ADAM9: variants seen among roughly 807,000 people sequenced by gnomAD.
ADAM9 encodes the protein ADAM metallopeptidase domain 9.
Under a neutral mutation model 108.1 loss-of-function variants are expected in ADAM9, and 54 were observed. The observed-to-expected ratio is 0.50, with a 90% confidence interval of 0.40 to 0.63. The LOEUF (loss-of-function observed/expected upper bound fraction) is 0.63. Ranked by LOEUF, ADAM9 falls within the 20% of genes least tolerant of loss-of-function variation. The probability of loss-of-function intolerance (pLI) is 0.00; values close to 1 mark genes in which losing one functional copy is unlikely to be tolerated. For synonymous variants in ADAM9, 316 were observed against 336.0 expected, an observed-to-expected ratio of 0.94 and a Z score of 0.65; for missense variants, 830 against 997.7, an observed-to-expected ratio of 0.83 and a Z score of 2.26.
intron 14 of ADAM9, among the ~76,000 whole-genome samples, chr8:39,060,100 T>C (rs1838251627): frequency 6.6e-6 from 1 of 152,172 alleles, no homozygotes; most frequent in African/African-American, 2.4e-5. Flanking sequence ...AATGGTAACT[T>C]GGTGGGTGGC....
At position 39,054,714 on chromosome 8, in the gene ADAM9, G is replaced by A. The variant is rs79703009; in HGVS notation, c.1395+141G>A. The A allele has an allele frequency of 0.013, 8,968 of 669,992 alleles. 628 individuals are homozygous for A. In the African/African-American group the frequency reaches 0.15, roughly 11 times the overall value. The allele number at this position is 669,992 out of a possible 1,614,324, so 41.5% of individuals were successfully genotyped here. On this transcript the variant is annotated intron_variant, in intron 13 of 21. Coordinates refer to ENST00000487273, the MANE Select transcript of ADAM9 (RefSeq NM_003816.3). ...TCATGGGAAAAATTTTATGCCACTT[G>A]TGTATAATTTTAAAGCACACTCTTT...
intron 14 of ADAM9, among the ~76,000 whole-genome samples, chr8:39,066,668 T>G (rs528304063): frequency 1.3e-5 from 2 of 152,194 alleles, no homozygotes; most frequent in African/African-American, 2.4e-5. Context: ...GTTAGATGAG[T>G]AGATTGCAAA....
chr8:39,080,185 C>A (rs144665630), intron 16 of ADAM9, among the ~76,000 whole-genome samples: 1 of 151,294 alleles, frequency 6.6e-6, no homozygotes. Flanking sequence ...TACTTAATAA[C>A]AAAAAAATGA....
chr8:39,004,142 GA>G (rs1293552255), intron 1 of ADAM9, among the ~76,000 whole-genome samples: 2 of 151,882 alleles, frequency 1.3e-5, no homozygotes, highest in Admixed American at 6.6e-5. Context: ...GAGTTGTAAC[GA>G]AAAAACTTCA....
At chr8:39,039,091 A>T (rs1356172075) in intron 11 of ADAM9, among the ~76,000 whole-genome samples, 1 of 152,144 alleles carries the variant, frequency 6.6e-6, no homozygotes, top group East Asian at 1.9e-4. Flanking sequence ...TAACATGACT[A>T]CTCAGGGCAA....
chr8:39,052,142 C>T (rs1055382359), intron 12 of ADAM9, among the ~76,000 whole-genome samples: 4 of 152,078 alleles, frequency 2.6e-5, no homozygotes, highest in Non-Finnish European at 5.9e-5. Context: ...ATTGTGTACC[C>T]ATAGTCTTAC....
At chr8:39,038,278 C>T (rs1255666384) in intron 11 of ADAM9, among the ~76,000 whole-genome samples, 4 of 152,226 alleles carry the variant, frequency 2.6e-5, no homozygotes, top group African/African-American at 7.2e-5. Context: ...CACATTCCTA[C>T]AATGGCCTAT....
chr8:39,085,525 A>G (rs756051078), intron 18 of ADAM9, among the ~76,000 whole-genome samples: 5 of 152,156 alleles, frequency 3.3e-5, no homozygotes, highest in Admixed American at 1.3e-4. Flanking sequence ...GCTAGTGACA[A>G]ATATTTTTAG....
Position 39,071,214 on chromosome 8 carries a change from T to C in ADAM9, c.1592-84T>C. ...TATTGAGGCTGTTCATCCAGGTGTT[T>C]AGACTGTTGTAGGGAATACTTTTAT... On this transcript the variant is annotated intron_variant, in intron 14 of 21. Transcript: ENST00000487273. 4.6e-6 allele frequency: 6 copies of C among 1,295,582 alleles called. No homozygotes were observed. In the South Asian group the frequency reaches 5.0e-5, roughly 11 times the overall value. 80.3% of individuals were successfully genotyped at this position (1,295,582 alleles called of 1,614,324 possible).
intron 12 of ADAM9, among the ~76,000 whole-genome samples, chr8:39,043,580 G>C (rs762068550): frequency 6.6e-6 from 1 of 152,070 alleles, no homozygotes; most frequent in Non-Finnish European, 1.5e-5. Flanking sequence ...TCTTCATGGA[G>C]CAATGTCTAT....
At chr8:39,076,618 C>T (rs774561930) in intron 15 of ADAM9, among the ~76,000 whole-genome samples, 2 of 152,008 alleles carry the variant, frequency 1.3e-5, no homozygotes, top group Non-Finnish European at 2.9e-5. Context: ...GTTGGAAATA[C>T]CTAGAGTGTT....
intron 1 of ADAM9, among the ~76,000 whole-genome samples, chr8:39,006,634 C>T (rs938921424): frequency 1.3e-5 from 2 of 151,054 alleles, no homozygotes; most frequent in Non-Finnish European, 2.9e-5. Context: ...TTGGACTTAT[C>T]GAGAGACTAT....
intron 11 of ADAM9, among the ~76,000 whole-genome samples, chr8:39,027,411 A>G (rs1192708628): frequency 1.3e-5 from 2 of 152,226 alleles, no homozygotes. Context: ...TACAGGCACT[A>G]TTGTAGCCAT....
In ADAM9 at chr8:39,025,810, G is replaced by C; in HGVS notation, c.922G>C (p.Gly308Arg). Residue 308 changes from glycine (G) to arginine (R), a missense_variant, in exon 10 of 22, where the codon GGT becomes CGT. By Grantham distance (125) the Gly-to-Arg change is moderately radical. Transcript: ENST00000487273. ...HDSAQLVLKK[G>R]FGGTAGMAFV... is the part of the protein sequence containing the mutation. ...TTTTACATTTTCATTTAGAAAGAAAGGTTTTGGTGGAACTGCAGGAATGGC... is the reference window on the plus strand; with the variant it reads ...TTTTACATTTTCATTTAGAAAGAAACGTTTTGGTGGAACTGCAGGAATGGC... The C allele has an allele frequency of 6.2e-7, 1 of 1,613,984 alleles. No individual in the cohort carries two copies. Among genetic ancestry groups the C allele is most frequent in the Non-Finnish European group, 8.5e-7 (1 of 1,179,978 alleles).
At chr8:39,057,035 T>C (rs1838146190) in intron 14 of ADAM9, among the ~76,000 whole-genome samples, 1 of 152,220 alleles carries the variant, frequency 6.6e-6, no homozygotes, top group Non-Finnish European at 1.5e-5. Flanking sequence ...TTAGATATGT[T>C]TAGATACCTT....
intron 15 of ADAM9, among the ~76,000 whole-genome samples, chr8:39,071,634 T>G (rs941483101): frequency 6.6e-6 from 1 of 152,010 alleles, no homozygotes; most frequent in Non-Finnish European, 1.5e-5. Context: ...GCCCAGCTAA[T>G]TTTTTGTATT....
At chr8:39,044,470 CA>C (rs960877080) in intron 12 of ADAM9, among the ~76,000 whole-genome samples, 6 of 152,144 alleles carry the variant, frequency 3.9e-5, no homozygotes, top group Admixed American at 2.0e-4. Flanking sequence ...ATTTTAGATT[CA>C]GGGGGTACAT....
At chr8:39,103,147 T>G (rs1298722870) in intron 21 of ADAM9, among the ~76,000 whole-genome samples, 1 of 152,140 alleles carries the variant, frequency 6.6e-6, no homozygotes, top group Non-Finnish European at 1.5e-5. Context: ...GTATGAGGTT[T>G]GAGATGGACA....
In ADAM9 at chr8:38,997,149, C is replaced by T. The variant is rs576406930; in HGVS notation, c.86C>T (p.Ala29Val). 3 of 1,599,830 alleles carry T rather than the reference C, an allele frequency of 1.9e-6. No individual in the cohort carries two copies. Among genetic ancestry groups the T allele is most frequent in the Admixed American group, 1.7e-5 (1 of 59,816 alleles). Residue 29 changes from alanine to valine, a missense_variant, in exon 1 of 22, where the codon GCG (alanine) becomes GTG (valine). Physicochemically the swap from Ala to Val is moderately conservative, Grantham distance 64. Around this residue, in one of 3 missense-constraint regions of ADAM9, gnomAD observed 211 missense variants for 222.2 expected, o/e 0.95. Transcript: ENST00000487273. ...GGCCTGGTGGGCCCAGTCCTCGGTGCGGCGCGGCCAGGTGGGTGTCCGCGC... is the reference window on the plus strand; with the variant it reads ...GGCCTGGTGGGCCCAGTCCTCGGTGTGGCGCGGCCAGGTGGGTGTCCGCGC... Reference protein sequence around the residue: ...LLGLVGPVLGAARPGFQQTSH... With the variant: ...LLGLVGPVLGVARPGFQQTSH...
Sources: allele counts gnomAD v4.1 joint callset (sites outside exome capture counted in the v4.1 genomes callset), GRCh38; gene constraint gnomAD v4.1.1; regional missense constraint gnomAD v4.1.1; transcripts MANE v1.5; gene names NCBI Gene and HGNC (gene_info 2026-07-23, HGNC 2026-07-21).